KAZN: variants seen among roughly 807,000 people sequenced by gnomAD.
KAZN encodes kazrin.
Under a neutral mutation model 87.4 loss-of-function variants are expected in KAZN, and 40 were observed. The observed-to-expected ratio is 0.46, with a 90% confidence interval of 0.36 to 0.60. KAZN has a LOEUF of 0.60. Ranked by LOEUF, KAZN falls within the 20% of genes least tolerant of loss-of-function variation. The probability of loss-of-function intolerance (pLI) is 0.00; values close to 1 mark genes in which losing one functional copy is unlikely to be tolerated. For missense variants in KAZN, 898 were observed against 1,073.9 expected (o/e 0.84, Z 2.29); for synonymous variants, 466 against 458.3 (o/e 1.02, Z -0.22).
At chr1:13,924,225 G>A (rs1329252533) in intron 1 of KAZN, among the ~76,000 whole-genome samples, 1 of 152,104 alleles carries the variant, frequency 6.6e-6, no homozygotes, top group Admixed American at 6.5e-5. Flanking sequence ...TGTAAATGAA[G>A]GCTAAAAACT....
At chr1:14,316,295 C>T (rs568593251) in intron 2 of KAZN, among the ~76,000 whole-genome samples, 18 of 151,882 alleles carry the variant, frequency 1.2e-4, no homozygotes, top group Admixed American at 9.8e-4. Context: ...TTTGTTTATT[C>T]GTATTTTTCA....
rs1165096480 is a variant in KAZN at position 14,433,208 on chromosome 1, T to A, written c.250-165775T>A. 2.6e-5 allele frequency among the ~76,000 whole-genome samples: 4 copies of A among 152,122 alleles called. No individual in the cohort carries two copies. The East Asian group carries it at 7.7e-4, about 29-fold the overall frequency. ...CTCCTGCCAGTCAAGATCCAGAGCT[T>A]TTCCCTCTTCCCAGAAAGTTCCTCA... is the stretch of plus-strand genomic sequence containing the variant. On this transcript the variant is annotated intron_variant, in intron 2 of 16. Transcript: ENST00000636203.
chr1:14,031,230 A>G (rs1641314560), intron 1 of KAZN, among the ~76,000 whole-genome samples: 2 of 152,244 alleles, frequency 1.3e-5, no homozygotes, highest in Non-Finnish European at 2.9e-5. Flanking sequence ...TACCATGTGA[A>G]TATCAACAAT....
rs1299332990 is a variant in KAZN at position 15,099,704 on chromosome 1, G to A, written c.1548-1839G>A. The stretch of plus-strand genomic sequence containing the variant: ...TACTCCTGCAAAGAGAAGCCACAGA[G>A]TGTTGAGCAGGGGAGTGCACGGTCA... On this transcript the variant is annotated intron_variant, in intron 10 of 14. Transcript: ENST00000376030. The surrounding 1 kb of genome is among the most constrained non-coding windows in gnomAD (Gnocchi z 5.4). Among the ~76,000 whole-genome samples, 1 of 152,208 alleles carries A rather than the reference G, an allele frequency of 6.6e-6. No homozygotes were observed. The highest frequency in any genetic ancestry group is 6.5e-5 in the Admixed American group (1 of 15,286).
At chr1:14,577,534 T>C (rs1194320235) in intron 2 of KAZN, among the ~76,000 whole-genome samples, 3 of 152,254 alleles carry the variant, frequency 2.0e-5, no homozygotes, top group South Asian at 4.2e-4. Flanking sequence ...AAGGGTAATA[T>C]TGTGCTTCAG....
intron 1 of KAZN, among the ~76,000 whole-genome samples, chr1:14,162,419 G>A (rs560509603): frequency 1.2e-4 from 18 of 152,240 alleles, no homozygotes; most frequent in African/African-American, 4.1e-4. Flanking sequence ...ACTGAGGGAT[G>A]ACATTAACTT....
intron 1 of KAZN, among the ~76,000 whole-genome samples, chr1:14,617,400 G>A (rs1368478720): frequency 6.6e-6 from 1 of 152,142 alleles, no homozygotes; most frequent in East Asian, 1.9e-4. Context: ...CTAAAAAATG[G>A]TGATACAGAG....
intron 1 of KAZN, among the ~76,000 whole-genome samples, chr1:13,983,014 G>A (rs1638816429): frequency 6.6e-6 from 1 of 152,190 alleles, no homozygotes; most frequent in South Asian, 2.1e-4. Context: ...GCTAGATACA[G>A]AGTGCCCATT....
chr1:14,454,167 G>C (rs1667436778), intron 2 of KAZN, among the ~76,000 whole-genome samples: 2 of 152,194 alleles, frequency 1.3e-5, no homozygotes, highest in Non-Finnish European at 2.9e-5. Flanking sequence ...CTAGGAGAAA[G>C]AGATATCACT....
chr1:14,463,467 T>C (rs1197540161), intron 2 of KAZN, among the ~76,000 whole-genome samples: 1 of 152,192 alleles, frequency 6.6e-6, no homozygotes, highest in South Asian at 2.1e-4. Flanking sequence ...CTTATTGAAA[T>C]TGCTCTATTA....
intron 2 of KAZN, among the ~76,000 whole-genome samples, chr1:14,224,513 A>T (rs1297084598): frequency 6.6e-6 from 1 of 152,186 alleles, no homozygotes; most frequent in Non-Finnish European, 1.5e-5. Context: ...ATGCCAGAGA[A>T]AACTTCAGTT....
In KAZN at chr1:14,799,778, C is replaced by T. The variant is rs182839799; in HGVS notation, c.227-160906C>T. Reference sequence around the variant, plus strand: ...TTTTTTTTGGAAAAGTAGGCTTCAACGAAATAAAAAAATTTAATGTACAAT... The same window carrying T: ...TTTTTTTTGGAAAAGTAGGCTTCAATGAAATAAAAAAATTTAATGTACAAT... On this transcript the variant is annotated intron_variant, in intron 1 of 14. Coordinates refer to ENST00000376030, the MANE Select transcript of KAZN (RefSeq NM_201628.3). Among the ~76,000 whole-genome samples, 101 of 152,036 alleles carry T rather than the reference C, an allele frequency of 6.6e-4. 3 individuals carry two copies. In the South Asian group the frequency reaches 0.019, roughly 29 times the overall value.
Position 15,114,566 on chromosome 1 carries a change from T to A in KAZN, c.2259T>A (p.Asp753Glu). The A allele has an allele frequency of 6.2e-7, 1 of 1,607,554 alleles. No homozygotes were observed. Among genetic ancestry groups the A allele is most frequent in the Non-Finnish European group, 8.5e-7 (1 of 1,176,952 alleles). Residue 753 changes from aspartate to glutamate, a missense_variant, in exon 15 of 15, where the codon GAT (aspartate) becomes GAA (glutamate). Around this residue, in one of 3 missense-constraint regions of KAZN, gnomAD observed 127 missense variants for 121.5 expected, o/e 1.04. Transcript: ENST00000376030. ...GSLQNEDCGDDDPQSRLEQCR... is the reference protein window; with the variant it reads ...GSLQNEDCGDEDPQSRLEQCR... ...TTCAAAACGAAGATTGCGGAGACGATGACCCCCAGAGCAGGCTGGAACAGT... is the reference window on the plus strand; with the variant it reads ...TTCAAAACGAAGATTGCGGAGACGAAGACCCCCAGAGCAGGCTGGAACAGT...
Position 15,081,384 on chromosome 1 carries a change from G to A in KAZN, c.1223-12796G>A, listed in dbSNP as rs908482054. On this transcript the variant is annotated intron_variant, in intron 8 of 14. Transcript: ENST00000376030. This position sits in a 1 kb window ranked among gnomAD's most constrained non-coding sequence, Gnocchi z 4.1. ...AAAATATAAGAGCCGGTTGTTAAAC[G>A]TGGTTGGGCCCTTGCTAGGGACTAG... Among the ~76,000 whole-genome samples the A allele has an allele frequency of 1.3e-5, 2 of 152,194 alleles. No individual in the cohort carries two copies. The highest frequency in any genetic ancestry group is 2.9e-5 in the Non-Finnish European group (2 of 68,042).
chr1:14,851,093 T>G (rs1190066882), intron 1 of KAZN, among the ~76,000 whole-genome samples: 1 of 152,164 alleles, frequency 6.6e-6, no homozygotes, highest in Non-Finnish European at 1.5e-5. Flanking sequence ...CCATCAGATG[T>G]GTCAGTCCTT....
chr1:13,903,144 A>T (rs1639308847), intron 1 of KAZN, among the ~76,000 whole-genome samples: 1 of 152,212 alleles, frequency 6.6e-6, no homozygotes, highest in South Asian at 2.1e-4. Flanking sequence ...TGAAAATATA[A>T]AATTATATAC....
intron 1 of KAZN, among the ~76,000 whole-genome samples, chr1:14,605,534 A>G (rs1677293451): frequency 6.6e-6 from 1 of 152,250 alleles, no homozygotes; most frequent in Admixed American, 6.5e-5. Flanking sequence ...CCCATGTATT[A>G]TGTATTTTAT....
intron 1 of KAZN, among the ~76,000 whole-genome samples, chr1:14,019,850 C>T (rs1252774844): frequency 6.6e-6 from 1 of 152,112 alleles, no homozygotes; most frequent in Non-Finnish European, 1.5e-5. Flanking sequence ...TCACGGAAGA[C>T]AATTTTTCCA....
At chr1:14,516,936 G>A (rs1244757726) in intron 2 of KAZN, among the ~76,000 whole-genome samples, 1 of 152,152 alleles carries the variant, frequency 6.6e-6, no homozygotes, top group Non-Finnish European at 1.5e-5. Context: ...GAATCTCATT[G>A]TAGTGGTGGT....
Sources: gnomAD v4.1 joint callset for allele counts (sites outside exome capture counted in the v4.1 genomes callset) on GRCh38, gnomAD v4.1.1 for gene constraint, gnomAD v4.1.1 regional missense constraint, Gnocchi (gnomAD v3.1) non-coding constraint, MANE v1.5 for transcripts, NCBI Gene and HGNC (gene_info 2026-07-23, HGNC 2026-07-21) for gene names.